Variants in GRM1 observed in about 807,000 individuals in gnomAD.
GRM1 encodes glutamate metabotropic receptor 1.
In GRM1, 33 loss-of-function variants were observed where a neutral mutation model predicts 90.9. That is an observed-to-expected ratio of 0.36 (90% CI 0.28 to 0.49). The LOEUF (loss-of-function observed/expected upper bound fraction) is 0.49, where lower values mean the gene tolerates loss of function less well. Among genes scored for constraint, GRM1 ranks in the 20% least tolerant of loss-of-function variants. The pLI is 0.99. For missense variants in GRM1, 1,190 were observed against 1,534.3 expected (o/e 0.78, Z 3.75); for synonymous variants, 700 against 613.2 (o/e 1.14, Z -2.09).
chr6:146,173,362 C>T (rs192256740), intron 2 of GRM1, among the ~76,000 whole-genome samples: 5 of 143,742 alleles, frequency 3.5e-5, no homozygotes, highest in Admixed American at 1.4e-4. Flanking sequence ...TCCACTCAGC[C>T]TGGGCAACAA....
intron 2 of GRM1, among the ~76,000 whole-genome samples, chr6:146,267,313 G>T (rs1050432331): frequency 6.6e-6 from 1 of 152,038 alleles, no homozygotes; most frequent in Admixed American, 6.6e-5. Flanking sequence ...TTTATTCCAT[G>T]TCTTTGCTAT....
At chr6:146,150,057 TA>T (rs1363463545) in intron 1 of GRM1, among the ~76,000 whole-genome samples, 7 of 152,096 alleles carry the variant, frequency 4.6e-5, no homozygotes, top group African/African-American at 7.2e-5. Context: ...AGGAAACCCA[TA>T]ACATTTTCTA....
At chr6:146,040,496 A>C (rs1159536432) in intron 1 of GRM1, among the ~76,000 whole-genome samples, 1 of 151,898 alleles carries the variant, frequency 6.6e-6, no homozygotes, top group African/African-American at 2.4e-5. Context: ...CTGGGAAAGT[A>C]TTTATCTCTT....
intron 2 of GRM1, among the ~76,000 whole-genome samples, chr6:146,303,207 G>A (rs146107684): frequency 2.4e-4 from 36 of 152,224 alleles, no homozygotes; most frequent in African/African-American, 5.5e-4. Flanking sequence ...GTGAGATATG[G>A]TCACTAATGT....
chr6:146,124,598 C>A (rs1263532935), intron 1 of GRM1, among the ~76,000 whole-genome samples: 2 of 152,004 alleles, frequency 1.3e-5, no homozygotes, highest in Non-Finnish European at 2.9e-5. Context: ...ATCAACTATA[C>A]CTATTTCTGT....
chr6:146,334,910 T>G (rs989124580), intron 3 of GRM1, among the ~76,000 whole-genome samples: 1 of 152,180 alleles, frequency 6.6e-6, no homozygotes, highest in East Asian at 1.9e-4. Flanking sequence ...TGGTGATATA[T>G]GATGAGACTT....
chr6:146,217,873 A>G (rs1779929003), intron 2 of GRM1, among the ~76,000 whole-genome samples: 1 of 152,200 alleles, frequency 6.6e-6, no homozygotes, highest in Non-Finnish European at 1.5e-5. Context: ...CTTATCTTGA[A>G]GGAAGAATAG....
intron 1 of GRM1, among the ~76,000 whole-genome samples, chr6:146,126,990 G>A (rs1291671643): frequency 2.6e-5 from 4 of 152,086 alleles, no homozygotes; most frequent in Non-Finnish European, 5.9e-5. Flanking sequence ...ATTACACTTG[G>A]TGAAGGTAAT....
At chr6:146,027,841 T>G (rs1790545053), upstream of GRM1, 1 of 152,324 alleles carries the variant, frequency 6.6e-6, no homozygotes, top group South Asian at 2.1e-4. Flanking sequence ...GAGCGGACAC[T>G]TCCTCCGGTG....
intron 1 of GRM1, among the ~76,000 whole-genome samples, chr6:146,128,878 G>A (rs1170990940): frequency 6.6e-6 from 1 of 151,992 alleles, no homozygotes; most frequent in East Asian, 1.9e-4. Context: ...ACCATCCCTT[G>A]CATTTTCATT....
At chr6:146,085,859 T>G (rs1272211952) in intron 1 of GRM1, among the ~76,000 whole-genome samples, 2 of 152,136 alleles carry the variant, frequency 1.3e-5, no homozygotes, top group Non-Finnish European at 2.9e-5. Flanking sequence ...GACTTGAGTT[T>G]TTTTGGATAA....
chr6:146,118,843 A>C (rs543480235), intron 1 of GRM1, among the ~76,000 whole-genome samples: 4 of 152,288 alleles, frequency 2.6e-5, no homozygotes, highest in East Asian at 1.9e-4. Context: ...TCTATCATTG[A>C]TGGACATTTG....
intron 3 of GRM1, among the ~76,000 whole-genome samples, chr6:146,331,206 T>C (rs1403364842): frequency 3.3e-5 from 5 of 152,170 alleles, no homozygotes; most frequent in Non-Finnish European, 7.4e-5. Context: ...CCAGTCACTA[T>C]TGGAAATGAT....
intron 2 of GRM1, among the ~76,000 whole-genome samples, chr6:146,233,935 CTTTCA>C (rs1780534982): frequency 1.3e-5 from 2 of 152,098 alleles, no homozygotes; most frequent in African/African-American, 4.8e-5. Flanking sequence ...TTAATTTCTC[CTTTCA>C]ATTTTAAAAA....
chr6:146,393,890 A>T (rs1018679733), intron 6 of GRM1, among the ~76,000 whole-genome samples: 1 of 152,176 alleles, frequency 6.6e-6, no homozygotes, highest in Non-Finnish European at 1.5e-5. Context: ...AGTAACCAAA[A>T]CAACTTGGTA....
At chr6:146,382,136 T>A (rs1776338615) in intron 5 of GRM1, among the ~76,000 whole-genome samples, 1 of 152,134 alleles carries the variant, frequency 6.6e-6, no homozygotes, top group Admixed American at 6.6e-5. Flanking sequence ...GTCAAAACTT[T>A]TACTATGACT....
At position 146,029,893 on chromosome 6, in the gene GRM1, T is replaced by A. The variant is rs779134688; in HGVS notation, c.376T>A (p.Ser126Thr). 1.6e-5 allele frequency: 26 copies of A among 1,613,994 alleles called. No homozygotes were observed. Among genetic ancestry groups the A allele is most frequent in the Non-Finnish European group, 2.1e-5 (25 of 1,180,010 alleles). The change falls in exon 1 of 8, where the codon TCT becomes ACT. Residue 126 changes from serine to threonine, a missense_variant. This residue lies in a region of GRM1 where 91 missense variants were observed against 95.6 expected (regional missense o/e 0.95). Coordinates refer to ENST00000282753, the MANE Select transcript of GRM1 (RefSeq NM_001278064.2). ...ACAGAGCATTGAGTTCATTAGGGACTCTCTGATTTCCATTCGAGATGAGAA... is the reference window on the plus strand; with the variant it reads ...ACAGAGCATTGAGTTCATTAGGGACACTCTGATTTCCATTCGAGATGAGAA... ...LEQSIEFIRD[S>T]LISIRDEKDG...
chr6:146,410,984 A>C (rs1777545541), intron 7 of GRM1, among the ~76,000 whole-genome samples: 1 of 152,170 alleles, frequency 6.6e-6, no homozygotes, highest in Non-Finnish European at 1.5e-5. Context: ...GAAGATAAAT[A>C]CTGTTGACTC....
chr6:146,397,662 A>G (rs1173704511), intron 6 of GRM1, among the ~76,000 whole-genome samples: 1 of 152,050 alleles, frequency 6.6e-6, no homozygotes, highest in Non-Finnish European at 1.5e-5. Context: ...GCTGGTTGAC[A>G]TCACCTGTAG....
Sources: allele counts gnomAD v4.1 joint callset (sites outside exome capture counted in the v4.1 genomes callset), GRCh38; gene constraint gnomAD v4.1.1; regional missense constraint gnomAD v4.1.1; transcripts MANE v1.5; gene names NCBI Gene and HGNC (gene_info 2026-07-23, HGNC 2026-07-21).